The following CAND2 variants were observed in gnomAD, a reference collection of about 807,000 sequenced individuals.
CAND2 encodes cullin associated and neddylation dissociated 2 (putative).
In CAND2, 62 loss-of-function variants were observed where a neutral mutation model predicts 98.9. That is an observed-to-expected ratio of 0.63 (90% CI 0.51 to 0.77). CAND2 has a LOEUF of 0.77. CAND2 is among the 30% of genes least tolerant of loss of function. The pLI is 0.00. For synonymous variants in CAND2, 770 were observed against 731.9 expected (o/e 1.05, Z -0.84); for missense variants, 1,501 against 1,655.2 (o/e 0.91, Z 1.62).
Position 12,817,281 on chromosome 3 carries a change from GC to G in CAND2, c.2351del (p.Pro784LeufsTer79), listed in dbSNP as rs1559554270. 21 of 1,613,940 alleles carry G rather than the reference GC, an allele frequency of 1.3e-5. No homozygotes were observed. Among genetic ancestry groups the G allele is most frequent in the Non-Finnish European group, 1.8e-5 (21 of 1,180,030 alleles). On this transcript the variant is annotated frameshift_variant, in exon 10 of 15. Transcript: ENST00000456430. LOFTEE classifies it high-confidence loss of function. The part of the protein sequence containing the change: ...YAKLISLLTA[P>X]VYEQAVDGGP... The stretch of plus-strand genomic sequence containing the variant: ...CCAAACTCATCAGCCTGCTCACTGC[GC>G]CTGTTTATGAGCAGGCTGTGGATGG...
At position 12,833,978 on chromosome 3, in the gene CAND2, G is replaced by C; in HGVS notation, c.3707G>C (p.Ser1236Thr). Reference protein sequence around the residue: ...SAPSTDSMELS With the variant: ...SAPSTDSMELT ...CCCAGCACAGACTCAATGGAGCTCA[G>C]CTAGTCCCCTCAGCACCAAGGTGGG... The change falls in exon 15 of 15, where the codon AGC becomes ACC. Residue 1236 changes from serine to threonine, a missense_variant. By Grantham distance (58) the Ser-to-Thr change is moderately conservative. Around this residue, in one of 3 missense-constraint regions of CAND2, gnomAD observed 1,427 missense variants for 1,545.3 expected, o/e 0.92. Transcript: ENST00000456430. The C allele has an allele frequency of 1.9e-6, 3 of 1,613,720 alleles. No homozygotes were observed. The highest frequency in any genetic ancestry group is 1.7e-6 in the Non-Finnish European group (2 of 1,179,724).
chr3:12,810,416 A>C (rs1575767631), intron 5 of CAND2, 92 bp downstream of exon 5: 2 of 1,024,616 alleles, frequency 2.0e-6, no homozygotes, highest in East Asian at 8.9e-5. Flanking sequence ...CTTGGGCCGC[A>C]GTGCAGCCAG....
chr3:12,799,095 CAGT>C (rs1289857087), intron 1 of CAND2, among the ~76,000 whole-genome samples: 1 of 152,196 alleles, frequency 6.6e-6, no homozygotes, highest in Admixed American at 6.5e-5. Flanking sequence ...CTTGAAAACA[CAGT>C]AGTATTATTG....
Position 12,817,730 on chromosome 3 carries a change from A to C in CAND2, c.2798A>C (p.Tyr933Ser). The change falls in exon 10 of 15, where the codon TAC becomes TCC. Residue 933 changes from tyrosine to serine, a missense_variant. Around this residue, in one of 3 missense-constraint regions of CAND2, gnomAD observed 1,427 missense variants for 1,545.3 expected, o/e 0.92. Coordinates refer to ENST00000456430, the MANE Select transcript of CAND2 (RefSeq NM_001162499.2). ...GAAQPDSLKP[Y>S]AEDIWALLFQ... ...GCCCAGCCTGACAGCCTGAAGCCCT[A>C]CGCCGAGGACATCTGGGCCTTGCTG... 2 of 1,587,296 alleles carry C rather than the reference A, an allele frequency of 1.3e-6. No homozygotes were observed.
At chr3:12,807,271 G>T (rs1328957860) in intron 2 of CAND2, 35 bp from the exon 3 acceptor site, 4 of 1,544,460 alleles carry the variant, frequency 2.6e-6, no homozygotes, top group Non-Finnish European at 2.6e-6. Context: ...GCTGAACCTT[G>T]TGCCCTTGGA....
chr3:12,829,677 A>G lies in CAND2; in HGVS notation c.3376-1788A>G, dbSNP rs370255013. ...GCACATAGACCCTCATTCATTAGTC[A>G]GCCAGTATTAAGTGAGTGCCAACAC... On this transcript the variant is annotated intron_variant, in intron 13 of 14. Transcript: ENST00000456430. Among the ~76,000 whole-genome samples, 262 of 152,344 alleles carry G rather than the reference A, an allele frequency of 1.7e-3. 3 individuals carry two copies. Among genetic ancestry groups the G allele is most frequent in the African/African-American group, 6.2e-3 (256 of 41,580 alleles).
intron 3 of CAND2, 94 bp from the exon 4 acceptor site, chr3:12,808,116 T>A (rs2061821471): frequency 6.8e-7 from 1 of 1,474,942 alleles, no homozygotes; most frequent in African/African-American, 1.4e-5. Flanking sequence ...GGATGTGGGC[T>A]CAGGAACACA....
rs540774456 is a variant in CAND2 at position 12,826,530 on chromosome 3, C to T, written c.3210+891C>T. The stretch of plus-strand genomic sequence containing the variant: ...GCAGCCTCGACCTCCTGGGCTCAAG[C>T]GATCCTCCCACCTCAGCCTCCTGAG... On this transcript the variant is annotated intron_variant, in intron 12 of 14. Transcript: ENST00000456430. 7.0e-4 allele frequency among the ~76,000 whole-genome samples: 107 copies of T among 152,070 alleles called. 2 individuals carry two copies. The South Asian group carries it at 0.02, about 29-fold the overall frequency.
intron 13 of CAND2, among the ~76,000 whole-genome samples, chr3:12,830,325 G>C (rs1298549432): frequency 6.6e-6 from 1 of 152,240 alleles, no homozygotes. Context: ...GGCGCACAAA[G>C]CTGAACAGGA....
intron 4 of CAND2, among the ~76,000 whole-genome samples, chr3:12,808,825 G>C (rs1003043950): frequency 1.3e-5 from 2 of 152,304 alleles, no homozygotes; most frequent in South Asian, 2.1e-4. Context: ...TGCTGGAGGG[G>C]AGACTGTCCC....
In CAND2 at chr3:12,825,583, G is replaced by A; in HGVS notation, c.3154G>A (p.Asp1052Asn). 1 of 1,610,970 alleles carries A rather than the reference G, an allele frequency of 6.2e-7. No individual in the cohort carries two copies. The highest frequency in any genetic ancestry group is 8.5e-7 in the Non-Finnish European group (1 of 1,178,818). Residue 1052 changes from aspartate to asparagine, a missense_variant, in exon 12 of 15, where the codon GAC (aspartate) becomes AAC (asparagine). Asp to Asn is a conservative substitution (Grantham distance 23). Around this residue, in one of 3 missense-constraint regions of CAND2, gnomAD observed 1,427 missense variants for 1,545.3 expected, o/e 0.92. Coordinates refer to ENST00000456430, the MANE Select transcript of CAND2 (RefSeq NM_001162499.2). ...CTCGCTAGTCCGGGACCTGCTGGAT[G>A]ACATCCTGCCCCTCCTCTACCAGGA... ...KPSLVRDLLD[D>N]ILPLLYQETK...
Position 12,817,511 on chromosome 3 carries a change from G to A in CAND2, c.2579G>A (p.Arg860Gln), listed in dbSNP as rs1256295760. 3.1e-6 allele frequency: 5 copies of A among 1,613,670 alleles called. No homozygotes were observed. Among genetic ancestry groups the A allele is most frequent in the Non-Finnish European group, 3.4e-6 (4 of 1,179,942 alleles). ...VGQVAGPGHQ[R>Q]ELKAVLLEAL... ...CAGGTGGCTGGGCCAGGCCACCAGCGGGAGCTGAAGGCGGTGCTCCTGGAA... is the reference window on the plus strand; with the variant it reads ...CAGGTGGCTGGGCCAGGCCACCAGCAGGAGCTGAAGGCGGTGCTCCTGGAA... Residue 860 changes from arginine (R) to glutamine (Q), a missense_variant, in exon 10 of 15, where the codon CGG becomes CAG. By Grantham distance (43) the Arg-to-Gln change is conservative. Coordinates refer to ENST00000456430, the MANE Select transcript of CAND2 (RefSeq NM_001162499.2).
chr3:12,827,719 G>A, intron 13 of CAND2, 115 bp downstream of exon 13: 1 of 1,001,248 alleles, frequency 1.0e-6, no homozygotes, highest in African/African-American at 1.6e-5. Flanking sequence ...AATGAAAATA[G>A]CTGCATTGTT....
intron 7 of CAND2, among the ~76,000 whole-genome samples, chr3:12,814,710 A>G (rs1465537612): frequency 1.3e-5 from 2 of 152,028 alleles, no homozygotes; most frequent in Non-Finnish European, 2.9e-5. Context: ...TGTGCCCCAA[A>G]TTGATTCTCC....
chr3:12,834,574 G>A lies in CAND2; in HGVS notation c.*592G>A, dbSNP rs1299427127. The A allele has an allele frequency of 6.5e-6, 1 of 153,170 alleles. No homozygotes were observed. Among genetic ancestry groups the A allele is most frequent in the East Asian group, 1.9e-4 (1 of 5,216 alleles). 9.5% of individuals were successfully genotyped at this position (153,170 alleles called of 1,614,324 possible). A position where few individuals can be genotyped will look rare whatever the true frequency, so the allele number is the denominator to read the frequency against. On this transcript the variant is annotated 3_prime_UTR_variant, in exon 15 of 15. Coordinates refer to ENST00000456430, the MANE Select transcript of CAND2 (RefSeq NM_001162499.2). Reference sequence around the variant, plus strand: ...GAGGAATGGGTTGGGTAGGGAACTGGACAGGCTTGGACCTCATGTTTCATT... The same window carrying A: ...GAGGAATGGGTTGGGTAGGGAACTGAACAGGCTTGGACCTCATGTTTCATT...
chr3:12,811,900 ACTT>A lies in CAND2; in HGVS notation c.758-1086_758-1084del, dbSNP rs201525076. Among the ~76,000 whole-genome samples the A allele has an allele frequency of 1.3e-3, 177 of 134,080 alleles. 1 individual carries two copies. The highest frequency in any genetic ancestry group is 4.2e-3 in the African/African-American group (146 of 34,990). The allele number at this position is 134,080 out of a possible 152,430, so 88.0% of individuals were successfully genotyped here. ...CCCAACCTTGGACTAAGCTTTTTTAACTTCTTTTTTTTTTTTCTTTTTGAGACT... is the reference window on the plus strand; with the variant it reads ...CCCAACCTTGGACTAAGCTTTTTTAACTTTTTTTTTTTTCTTTTTGAGACT... On this transcript the variant is annotated intron_variant, in intron 5 of 14. Coordinates refer to ENST00000456430, the MANE Select transcript of CAND2 (RefSeq NM_001162499.2).
In CAND2 at chr3:12,817,615, G is replaced by A. The variant is rs199837213; in HGVS notation, c.2683G>A (p.Asp895Asn). The A allele has an allele frequency of 1.2e-5, 19 of 1,613,666 alleles. No individual in the cohort carries two copies. The highest frequency in any genetic ancestry group is 1.1e-4 in the East Asian group (5 of 44,880). Residue 895 changes from aspartate to asparagine, a missense_variant, in exon 10 of 15, where the codon GAC (aspartate) becomes AAC (asparagine). Asp to Asn is a conservative substitution (Grantham distance 23, BLOSUM62 1). This residue lies in a region of CAND2 where 1,427 missense variants were observed against 1,545.3 expected (regional missense o/e 0.92). Coordinates refer to ENST00000456430, the MANE Select transcript of CAND2 (RefSeq NM_001162499.2). ...LGRVGAGSLP[D>N]FLPFLLEQIE... Reference sequence around the variant, plus strand: ...CCGTGTGGGTGCTGGCAGCCTGCCCGACTTCCTGCCCTTCCTGCTGGAGCA... The same window carrying A: ...CCGTGTGGGTGCTGGCAGCCTGCCCAACTTCCTGCCCTTCCTGCTGGAGCA...
At chr3:12,813,852 A>T (rs867189822) in intron 7 of CAND2, among the ~76,000 whole-genome samples, 2 of 152,196 alleles carry the variant, frequency 1.3e-5, no homozygotes, top group Non-Finnish European at 2.9e-5. Flanking sequence ...GGGGAGCAAG[A>T]TGTCTCAATG....
chr3:12,813,470 C>A, intron 7 of CAND2, 82 bp downstream of exon 7: 1 of 1,445,170 alleles, frequency 6.9e-7, no homozygotes, highest in South Asian at 1.3e-5. Context: ...AGACAGCGGT[C>A]ACATTTGGTG....
Sources: allele counts gnomAD v4.1 joint callset (sites outside exome capture counted in the v4.1 genomes callset), GRCh38; gene constraint gnomAD v4.1.1; regional missense constraint gnomAD v4.1.1; transcripts MANE v1.5; gene names NCBI Gene and HGNC (gene_info 2026-07-23, HGNC 2026-07-21).